The following PARP6 variants were observed in gnomAD, a reference collection of about 807,000 sequenced individuals.
The protein encoded by PARP6 is poly(ADP-ribose) polymerase family member 6, also known as protein mono-ADP-ribosyltransferase PARP6.
A neutral mutation model predicts 92.0 loss-of-function variants in PARP6; 27 were observed. The ratio of observed to expected loss-of-function variants is 0.29; its 90% CI spans 0.22 to 0.40. The LOEUF (loss-of-function observed/expected upper bound fraction) is 0.40, where lower values mean the gene tolerates loss of function less well. PARP6 is among the 10% of genes least tolerant of loss of function. The pLI, the probability that PARP6 is intolerant of heterozygous loss-of-function variation, is 1.00. For synonymous variants in PARP6, 272 were observed against 281.2 expected (o/e 0.97, Z 0.33); for missense variants, 501 against 784.5 (o/e 0.64, Z 4.32).
chr15:72,242,674 C>T lies in PARP6; in HGVS notation c.1587G>A (p.Met529Ile). Residue 529 changes from methionine to isoleucine, a missense_variant, in exon 21 of 24, where the codon ATG becomes ATA. Transcript: ENST00000569795. This position sits in a 1 kb window ranked among gnomAD's most constrained non-coding sequence, Gnocchi z 4.3. ...YSGMGKGQHR[M>I]PSKDELVQRY... Reference sequence around the variant, plus strand: ...TCTGGACCAGCTCATCCTTGGAGGGCATCCTGTGCTGTCCTTTTCCCATTC... The same window carrying T: ...TCTGGACCAGCTCATCCTTGGAGGGTATCCTGTGCTGTCCTTTTCCCATTC... 1 of 1,611,510 alleles carries T rather than the reference C, an allele frequency of 6.2e-7. No individual in the cohort carries two copies. Among genetic ancestry groups the T allele is most frequent in the Non-Finnish European group, 8.5e-7 (1 of 1,178,434 alleles).
At chr15:72,258,901 A>C (rs2085482462) in intron 11 of PARP6, among the ~76,000 whole-genome samples, 1 of 152,238 alleles carries the variant, frequency 6.6e-6, no homozygotes, top group Non-Finnish European at 1.5e-5. Context: ...GCTCTGTGAA[A>C]GGTCTTCTTG....
intron 2 of PARP6, among the ~76,000 whole-genome samples, chr15:72,269,915 A>G (rs201589387): frequency 4.0e-4 from 60 of 151,038 alleles, no homozygotes; most frequent in African/African-American, 1.4e-3. Flanking sequence ...AAAAAAAAAA[A>G]AAAGAAAAAG....
chr15:72,249,717 C>T (rs2084086902), intron 19 of PARP6, among the ~76,000 whole-genome samples: 1 of 152,206 alleles, frequency 6.6e-6, no homozygotes, highest in African/African-American at 2.4e-5. Flanking sequence ...GAATGAATAG[C>T]CACATAAATT....
chr15:72,264,463 T>A lies in PARP6; in HGVS notation c.395+92A>T, dbSNP rs573003157. 5.6e-4 allele frequency: 518 copies of A among 919,718 alleles called. 2 individuals carry two copies. The South Asian group carries it at 7.7e-3, about 14-fold the overall frequency. 57.0% of individuals were successfully genotyped at this position (919,718 alleles called of 1,614,324 possible). On this transcript the variant is annotated intron_variant, in intron 8 of 23. Coordinates refer to ENST00000569795, the MANE Select transcript of PARP6 (RefSeq NM_001323532.2). ...AGAAAGACATTTTTGGAAGGGGGCA[T>A]TCCATCCAAGGCTCTGCCTGTCCAT... is the stretch of plus-strand genomic sequence containing the variant.
At chr15:72,256,972 A>ATGGGAG (rs1309732491) in intron 13 of PARP6, among the ~76,000 whole-genome samples, 2 of 152,004 alleles carry the variant, frequency 1.3e-5, no homozygotes, top group African/African-American at 4.8e-5. Context: ...CGACCTCCTG[A>ATGGGAG]GCTCAAGCCA....
At chr15:72,262,602 CTA>C (rs751863031) in intron 8 of PARP6, among the ~76,000 whole-genome samples, 5 of 152,192 alleles carry the variant, frequency 3.3e-5, no homozygotes, top group Non-Finnish European at 7.3e-5. Context: ...CTCATTGTTT[CTA>C]TGTTGTTGCC....
intron 10 of PARP6, 98 bp downstream of exon 10, chr15:72,260,380 A>G: frequency 2.1e-6 from 2 of 945,398 alleles, no homozygotes; most frequent in Non-Finnish European, 3.3e-6. Context: ...TATGATGCCT[A>G]GACAACCATA....
intron 2 of PARP6, 70 bp from the exon 3 acceptor site, chr15:72,267,741 C>T (rs753724511): frequency 5.7e-5 from 24 of 423,256 alleles, no homozygotes; most frequent in Middle Eastern, 6.1e-4. Flanking sequence ...TACAGGCACA[C>T]GTATTTATCA....
intron 20 of PARP6, chr15:72,245,190 A>T (rs538509950): frequency 4.6e-5 from 7 of 152,314 alleles, no homozygotes; most frequent in African/African-American, 1.7e-4. Context: ...GTGAAACCCC[A>T]CTTCTACTAA....
chr15:72,265,025 G>A, intron 7 of PARP6, 56 bp downstream of exon 7: 1 of 1,154,094 alleles, frequency 8.7e-7, no homozygotes, highest in Non-Finnish European at 1.3e-6. Context: ...GTTAACTTAG[G>A]GCTTTGGATT....
At chr15:72,264,727 G>C (rs1205604315) in intron 7 of PARP6, 106 bp from the exon 8 acceptor site, 1 of 855,776 alleles carries the variant, frequency 1.2e-6, no homozygotes, top group African/African-American at 1.7e-5. Flanking sequence ...ATAGCTGCTG[G>C]GTACTCTAAA....
At position 72,259,676 on chromosome 15, in the gene PARP6, A is replaced by C; in HGVS notation, c.757-15T>G. 3 of 1,613,320 alleles carry C rather than the reference A, an allele frequency of 1.9e-6. No homozygotes were observed. The highest frequency in any genetic ancestry group is 1.1e-5 in the South Asian group (1 of 91,028). ...TGACCACTGACCTGGTGAGAGTAAA[A>C]AGACAGACCCCGTGAACCTCCTATG... On this transcript the variant is annotated splice_polypyrimidine_tract_variant and intron_variant, in intron 10 of 23. Transcript: ENST00000569795.
At chr15:72,264,015 T>G (rs191856715) in intron 8 of PARP6, among the ~76,000 whole-genome samples, 1,531 of 148,270 alleles carry the variant, frequency 0.01, 25 homozygotes, top group African/African-American at 0.036. Flanking sequence ...AGCAAGACTC[T>G]GTCTCCAAAA....
chr15:72,268,677 A>G (rs2086942776), intron 2 of PARP6, among the ~76,000 whole-genome samples: 2 of 152,200 alleles, frequency 1.3e-5, no homozygotes, highest in African/African-American at 4.8e-5. Context: ...CAGCCTGGAC[A>G]GTAAGAGCAA....
rs1270098031 is a variant in PARP6 at position 72,250,132 on chromosome 15, A to T, written c.1419-40T>A. ...AGAATACATGTCTCCTTATGATATG[A>T]GGTTCCCAGGAACACTCCCAAGACT... On this transcript the variant is annotated intron_variant, in intron 18 of 23. Transcript: ENST00000569795. The T allele has an allele frequency of 3.0e-6, 4 of 1,314,764 alleles. No individual in the cohort carries two copies. The African/African-American group carries it at 5.8e-5, about 19-fold the overall frequency. The allele number at this position is 1,314,764 out of a possible 1,614,324, so 81.4% of individuals were successfully genotyped here. A position where few individuals can be genotyped will look rare whatever the true frequency, so the allele number is the denominator to read the frequency against.
intron 2 of PARP6, among the ~76,000 whole-genome samples, chr15:72,268,944 C>G (rs1555463823): frequency 6.6e-6 from 1 of 152,162 alleles, no homozygotes; most frequent in Non-Finnish European, 1.5e-5. Context: ...CCATTAAAAC[C>G]TCCACATATA....
chr15:72,247,892 C>T (rs2083824385), intron 20 of PARP6, among the ~76,000 whole-genome samples: 1 of 152,010 alleles, frequency 6.6e-6, no homozygotes, highest in African/African-American at 2.4e-5. Context: ...AAGCGATTCT[C>T]CTGCCTCAGC....
At chr15:72,265,535 T>C in intron 5 of PARP6, 62 bp from the exon 6 acceptor site, 1 of 1,309,866 alleles carries the variant, frequency 7.6e-7, no homozygotes, top group Non-Finnish European at 1.1e-6. Flanking sequence ...GAATAGAAAC[T>C]GAGTTGGAAA....
Position 72,242,355 on chromosome 15 carries a change from G to T in PARP6, c.1642-135C>A. The T allele has an allele frequency of 1.4e-6, 1 of 704,232 alleles. No individual in the cohort carries two copies. Among genetic ancestry groups the T allele is most frequent in the South Asian group, 1.7e-5 (1 of 58,638 alleles). 43.6% of individuals were successfully genotyped at this position (704,232 alleles called of 1,614,324 possible). ...TCCCAGCAACACCCCTCGCCGCCCA[G>T]AAAATTCTTCTTTCCCATAATCAGT... On this transcript the variant is annotated intron_variant, in intron 21 of 23. Coordinates refer to ENST00000569795, the MANE Select transcript of PARP6 (RefSeq NM_001323532.2). This position sits in a 1 kb window ranked among gnomAD's most constrained non-coding sequence, Gnocchi z 4.3.
Sources: allele counts gnomAD v4.1 joint callset (sites outside exome capture counted in the v4.1 genomes callset), GRCh38; gene constraint gnomAD v4.1.1; non-coding constraint Gnocchi (gnomAD v3.1); transcripts MANE v1.5; gene names NCBI Gene and HGNC (gene_info 2026-07-23, HGNC 2026-07-21).